Variants in KCNC2 observed in about 807,000 individuals in gnomAD.
The protein encoded by KCNC2 is potassium voltage-gated channel subfamily C member 2.
A neutral mutation model predicts 44.5 loss-of-function variants in KCNC2; 21 were observed. That is an observed-to-expected ratio of 0.47 (90% CI 0.33 to 0.68). The LOEUF (loss-of-function observed/expected upper bound fraction) is 0.68, where lower values mean the gene tolerates loss of function less well. KCNC2 is among the 30% of genes least tolerant of loss of function. The probability of loss-of-function intolerance (pLI) is 0.01; values close to 1 mark genes in which losing one functional copy is unlikely to be tolerated. For synonymous variants in KCNC2, 391 were observed against 339.1 expected, an observed-to-expected ratio of 1.15 and a Z score of -1.68; for missense variants, 589 against 826.2, an observed-to-expected ratio of 0.71 and a Z score of 3.52.
At chr12:75,127,064 G>A (rs545681799) in intron 2 of KCNC2, among the ~76,000 whole-genome samples, 14 of 152,260 alleles carry the variant, frequency 9.2e-5, no homozygotes, top group African/African-American at 3.4e-4. Context: ...TTGCTTTCTA[G>A]TTTGTCTCAG....
Position 75,207,411 on chromosome 12 carries a change from G to T in KCNC2, c.573C>A (p.Gly191=). 6.2e-7 allele frequency: 1 copy of T among 1,601,160 alleles called. No individual in the cohort carries two copies. Among genetic ancestry groups the T allele is most frequent in the Non-Finnish European group, 8.5e-7 (1 of 1,174,146 alleles). Reference sequence around the variant, plus strand: ...CCCCGAGCCCCGCCGCGTCCTCGATGCCCAGCCTCTTGGCCGCCAGGTCCT... The same window carrying T: ...CCCCGAGCCCCGCCGCGTCCTCGATTCCCAGCCTCTTGGCCGCCAGGTCCT... ...DDEDLAAKRL[G]IEDAAGLGGP... is the part of the protein sequence containing the mutation. The change falls in exon 2 of 5, where the codon GGC becomes GGA. Residue 191 remains glycine (G), a synonymous_variant. Coordinates refer to ENST00000549446, the MANE Select transcript of KCNC2 (RefSeq NM_139137.4). This position sits in a 1 kb window ranked among gnomAD's most constrained non-coding sequence, Gnocchi z 4.1.
At chr12:75,102,018 C>T (rs919161094) in intron 2 of KCNC2, among the ~76,000 whole-genome samples, 3 of 151,978 alleles carry the variant, frequency 2.0e-5, no homozygotes, top group African/African-American at 7.2e-5. Context: ...AGAAAGTCAA[C>T]GGCCCAAGGG....
chr12:75,077,271 T>A (rs1884078408), intron 2 of KCNC2, among the ~76,000 whole-genome samples: 1 of 152,156 alleles, frequency 6.6e-6, no homozygotes. Flanking sequence ...GCATTATTAC[T>A]TAAATAAGAA....
chr12:75,094,604 C>G (rs1478922629), intron 2 of KCNC2, among the ~76,000 whole-genome samples: 1 of 151,668 alleles, frequency 6.6e-6, no homozygotes, highest in Non-Finnish European at 1.5e-5. Flanking sequence ...CAGTGAAATG[C>G]TTGACTTGTA....
intron 2 of KCNC2, among the ~76,000 whole-genome samples, chr12:75,077,808 A>C (rs1045847848): frequency 6.6e-6 from 1 of 152,194 alleles, no homozygotes; most frequent in Admixed American, 6.5e-5. Flanking sequence ...AAATGAGTTC[A>C]TTCTCACTTT....
intron 2 of KCNC2, among the ~76,000 whole-genome samples, chr12:75,167,844 C>T (rs926445303): frequency 6.6e-6 from 1 of 151,118 alleles, no homozygotes; most frequent in African/African-American, 2.4e-5. Context: ...TGTATGTATG[C>T]CAATGTCTCA....
Position 75,162,404 on chromosome 12 carries a change from G to A in KCNC2, c.687+44893C>T, listed in dbSNP as rs142825674. On this transcript the variant is annotated intron_variant, in intron 2 of 4. Coordinates refer to ENST00000549446, the MANE Select transcript of KCNC2 (RefSeq NM_139137.4). ...ATGACTTCATTCTATGACATACTGA[G>A]TCATCAGCTCAGGGTCTCCTCAGGT... Among the ~76,000 whole-genome samples, 343 of 151,832 alleles carry A rather than the reference G, an allele frequency of 2.3e-3. 1 individual carries two copies. The highest frequency in any genetic ancestry group is 8.0e-3 in the African/African-American group (332 of 41,498).
chr12:75,128,260 A>T (rs1279335460), intron 2 of KCNC2, among the ~76,000 whole-genome samples: 1 of 152,214 alleles, frequency 6.6e-6, no homozygotes, highest in Admixed American at 6.5e-5. Flanking sequence ...GGCCAGCCTC[A>T]CATCCCCATA....
chr12:75,059,846 A>G (rs1441034595), intron 2 of KCNC2, among the ~76,000 whole-genome samples: 4 of 150,956 alleles, frequency 2.6e-5, no homozygotes, highest in African/African-American at 9.7e-5. Flanking sequence ...GAGATCTACA[A>G]TAATCATAAA....
chr12:75,150,246 A>T (rs1301328989), intron 2 of KCNC2, among the ~76,000 whole-genome samples: 1 of 151,786 alleles, frequency 6.6e-6, no homozygotes, highest in Non-Finnish European at 1.5e-5. Flanking sequence ...AACCTCAATG[A>T]TCTCTGCTTA....
At chr12:75,081,289 T>C (rs1266626671) in intron 2 of KCNC2, among the ~76,000 whole-genome samples, 3 of 152,062 alleles carry the variant, frequency 2.0e-5, no homozygotes, top group South Asian at 2.1e-4. Flanking sequence ...TTTTGTCACA[T>C]TGAATTCCTA....
In KCNC2 at chr12:75,085,361, G is replaced by A. The variant is rs567528494; in HGVS notation, c.688-34044C>T. 5.9e-5 allele frequency among the ~76,000 whole-genome samples: 9 copies of A among 152,114 alleles called. No individual in the cohort carries two copies. The South Asian group carries it at 1.9e-3, about 32-fold the overall frequency. On this transcript the variant is annotated intron_variant, in intron 2 of 4. Coordinates refer to ENST00000549446, the MANE Select transcript of KCNC2 (RefSeq NM_139137.4). ...ACTTTGAAAAGGAAGAAGAGAATGG[G>A]GGAAGAGGAAGAGGGGGAGAATTAT...
rs190005212 is a variant in KCNC2, at chr12:75,049,900, G to A, written c.1615+490C>T. 3.3e-3 allele frequency among the ~76,000 whole-genome samples: 504 copies of A among 152,124 alleles called. 3 individuals carry two copies. The highest frequency in any genetic ancestry group is 3.6e-3 in the Non-Finnish European group (243 of 67,990). ...TCCATATCACCTGTTTGGAGTTTAGGCCTTTGAAATGTAAGCATCCATTCT... is the reference window on the plus strand; with the variant it reads ...TCCATATCACCTGTTTGGAGTTTAGACCTTTGAAATGTAAGCATCCATTCT... On this transcript the variant is annotated intron_variant, in intron 3 of 4. Transcript: ENST00000549446.
At chr12:75,165,166 G>T (rs1445856653) in intron 2 of KCNC2, among the ~76,000 whole-genome samples, 1 of 151,554 alleles carries the variant, frequency 6.6e-6, no homozygotes, top group Non-Finnish European at 1.5e-5. Context: ...ATGATTAGAA[G>T]TGTTTACGAT....
At chr12:75,106,016 T>C (rs1474464489) in intron 2 of KCNC2, among the ~76,000 whole-genome samples, 1 of 151,674 alleles carries the variant, frequency 6.6e-6, no homozygotes, top group Non-Finnish European at 1.5e-5. Flanking sequence ...AATTCAATCA[T>C]TAGGATACTG....
At chr12:75,171,218 A>T (rs1891796869) in intron 2 of KCNC2, among the ~76,000 whole-genome samples, 2 of 151,802 alleles carry the variant, frequency 1.3e-5, no homozygotes, top group African/African-American at 2.4e-5. Context: ...TAGGAGCCTT[A>T]GTTACTTCGG....
chr12:75,105,564 T>TA (rs2137203698), intron 2 of KCNC2, among the ~76,000 whole-genome samples: 1 of 152,302 alleles, frequency 6.6e-6, no homozygotes, highest in East Asian at 1.9e-4. Flanking sequence ...GGTGAAATGA[T>TA]ATGGGCTTGG....
intron 2 of KCNC2, among the ~76,000 whole-genome samples, chr12:75,190,968 A>G (rs1326335711): frequency 1.3e-5 from 2 of 152,116 alleles, no homozygotes; most frequent in Non-Finnish European, 1.5e-5. Flanking sequence ...ATAAGTTTAA[A>G]TAATATTTCA....
intron 2 of KCNC2, among the ~76,000 whole-genome samples, chr12:75,059,242 TAAC>T (rs1440133032): frequency 6.6e-6 from 1 of 152,142 alleles, no homozygotes; most frequent in Non-Finnish European, 1.5e-5. Flanking sequence ...TTGCATGCCT[TAAC>T]AAGTTAACTA....
Sources: allele counts gnomAD v4.1 joint callset (sites outside exome capture counted in the v4.1 genomes callset), GRCh38; gene constraint gnomAD v4.1.1; non-coding constraint Gnocchi (gnomAD v3.1); transcripts MANE v1.5; gene names NCBI Gene and HGNC (gene_info 2026-07-23, HGNC 2026-07-21).